The following GABARAPL2 variants were observed in gnomAD, a reference collection of about 807,000 sequenced individuals.
The protein encoded by GABARAPL2 is gamma-aminobutyric acid receptor-associated protein-like 2.
A neutral mutation model predicts 16.9 loss-of-function variants in GABARAPL2; 11 were observed. The ratio of observed to expected loss-of-function variants is 0.65; its 90% CI spans 0.41 to 1.08. The LOEUF is 1.08. GABARAPL2 is among the 50% of genes least tolerant of loss of function. The pLI is 0.00. For missense variants in GABARAPL2, 134 were observed against 142.5 expected, an observed-to-expected ratio of 0.94 and a Z score of 0.30; for synonymous variants, 57 against 50.7, an observed-to-expected ratio of 1.12 and a Z score of -0.53.
chr16:75,573,960 G>C (rs950183591), intron 3 of GABARAPL2, among the ~76,000 whole-genome samples: 1 of 152,192 alleles, frequency 6.6e-6, no homozygotes, highest in Non-Finnish European at 1.5e-5. Flanking sequence ...AGCAGTGCTT[G>C]GCACATGTGT....
chr16:75,571,500 A>T (rs1247954000), intron 3 of GABARAPL2, among the ~76,000 whole-genome samples: 1 of 152,138 alleles, frequency 6.6e-6, no homozygotes, highest in Non-Finnish European at 1.5e-5. Flanking sequence ...CCTAAAGCAG[A>T]TTATACCAGT....
At chr16:75,569,436 C>A (rs185064347) in intron 3 of GABARAPL2, among the ~76,000 whole-genome samples, 1 of 152,224 alleles carries the variant, frequency 6.6e-6, no homozygotes, top group Non-Finnish European at 1.5e-5. Context: ...TCTAACCTTC[C>A]TTCCCAGGCC....
chr16:75,573,418 G>T (rs2080928224), intron 3 of GABARAPL2, among the ~76,000 whole-genome samples: 1 of 152,190 alleles, frequency 6.6e-6, no homozygotes, highest in Non-Finnish European at 1.5e-5. Context: ...AAAATTAGGT[G>T]CATGTTCAGC....
At chr16:75,566,556 TG>T in intron 1 of GABARAPL2, 36 bp downstream of exon 1, 1 of 1,603,100 alleles carries the variant, frequency 6.2e-7, no homozygotes, top group African/African-American at 1.4e-5. Flanking sequence ...TGCTGGGGGC[TG>T]GGGCGGCGGG....
Position 75,566,821 on chromosome 16 carries a change from C to T in GABARAPL2, c.35-31C>T, listed in dbSNP as rs545541607. 326 of 1,601,446 alleles carry T rather than the reference C, an allele frequency of 2.0e-4. 2 individuals carry two copies. In the South Asian group the frequency reaches 3.4e-3, roughly 17 times the overall value. On this transcript the variant is annotated intron_variant, in intron 1 of 3. Transcript: ENST00000037243. The stretch of plus-strand genomic sequence containing the variant: ...CCGGGAACCGACCGGTGGGCAGGCG[C>T]GGCCGTCAGCCCCGTTTGTTTCTCC...
At chr16:75,571,029 T>A (rs1423943420) in intron 3 of GABARAPL2, among the ~76,000 whole-genome samples, 1 of 152,248 alleles carries the variant, frequency 6.6e-6, no homozygotes, top group Non-Finnish European at 1.5e-5. Flanking sequence ...GTTAATCCCC[T>A]GTTTAAAATA....
At chr16:75,567,487 A>G (rs750874341) in intron 2 of GABARAPL2, among the ~76,000 whole-genome samples, 1 of 152,228 alleles carries the variant, frequency 6.6e-6, no homozygotes, top group Non-Finnish European at 1.5e-5. Context: ...AATGGACATT[A>G]AGGCCTGTTA....
intron 3 of GABARAPL2, among the ~76,000 whole-genome samples, chr16:75,569,987 TAG>T (rs936673431): frequency 2.6e-5 from 4 of 152,210 alleles, no homozygotes; most frequent in Non-Finnish European, 5.9e-5. Flanking sequence ...CTTCAGGATT[TAG>T]AGTCACCAGC....
At chr16:75,576,056 C>T (rs910885326) in intron 3 of GABARAPL2, 3 of 152,184 alleles carry the variant, frequency 2.0e-5, no homozygotes, top group African/African-American at 7.2e-5. Context: ...TTCTATTGAA[C>T]AGTTCTGTTC....
At chr16:75,572,692 G>A (rs1275471746) in intron 3 of GABARAPL2, 12 of 152,216 alleles carry the variant, frequency 7.9e-5, no homozygotes, top group Admixed American at 6.5e-4. Context: ...TTAGGGGGCA[G>A]TTTAAATTCA....
At chr16:75,567,676 A>T (rs1340507601) in intron 2 of GABARAPL2, among the ~76,000 whole-genome samples, 3 of 152,126 alleles carry the variant, frequency 2.0e-5, no homozygotes, top group Non-Finnish European at 4.4e-5. Flanking sequence ...GGAACACAGT[A>T]GTGTTTCCTG....
chr16:75,570,802 C>G (rs922414426), intron 3 of GABARAPL2, among the ~76,000 whole-genome samples: 8 of 152,150 alleles, frequency 5.3e-5, no homozygotes, highest in Admixed American at 2.6e-4. Flanking sequence ...TCACAATGGC[C>G]TTTTCCCATT....
At chr16:75,575,299 A>AT (rs138990592) in intron 3 of GABARAPL2, among the ~76,000 whole-genome samples, 19,757 of 146,636 alleles carry the variant, frequency 0.13, 2,822 homozygotes, top group East Asian at 0.72. Flanking sequence ...GTTGAAATTA[A>AT]TTTTTTTTTT....
chr16:75,577,395 G>A lies in GABARAPL2; in HGVS notation c.*26G>A, dbSNP rs770366241. The A allele has an allele frequency of 3.8e-6, 5 of 1,314,596 alleles. No individual in the cohort carries two copies. The highest frequency in any genetic ancestry group is 1.4e-5 in the African/African-American group (1 of 69,324). The allele number at this position is 1,314,596 out of a possible 1,614,324, so 81.4% of individuals were successfully genotyped here. On this transcript the variant is annotated 3_prime_UTR_variant, in exon 4 of 4. Coordinates refer to ENST00000037243, the MANE Select transcript of GABARAPL2 (RefSeq NM_007285.7). ...GGGCCATTGCTGGGCTAGGTGCACC[G>A]TAACTGCTTGTGTATCTTGTAAATA... is the stretch of plus-strand genomic sequence containing the variant.
chr16:75,570,871 C>G (rs904522840), intron 3 of GABARAPL2, among the ~76,000 whole-genome samples: 1 of 152,116 alleles, frequency 6.6e-6, no homozygotes, highest in African/African-American at 2.4e-5. Flanking sequence ...AGGCCAAAAA[C>G]GGAATGGGGA....
chr16:75,567,789 T>C (rs2080892821), intron 2 of GABARAPL2, among the ~76,000 whole-genome samples: 2 of 152,212 alleles, frequency 1.3e-5, no homozygotes, highest in African/African-American at 4.8e-5. Context: ...TGGAAAAGCT[T>C]AGTGGTAAGG....
At chr16:75,567,973 C>G in intron 2 of GABARAPL2, 64 bp from the exon 3 acceptor site, 2 of 1,315,270 alleles carry the variant, frequency 1.5e-6, no homozygotes, top group African/African-American at 2.9e-5. Flanking sequence ...ATCAGCTCCT[C>G]AGCCATGTGA....
intron 3 of GABARAPL2, among the ~76,000 whole-genome samples, chr16:75,574,423 G>A (rs2080934962): frequency 6.6e-6 from 1 of 152,168 alleles, no homozygotes; most frequent in Non-Finnish European, 1.5e-5. Flanking sequence ...GCAGCGGGGA[G>A]ATGTTACGAC....
chr16:75,568,793 T>G (rs1434671119), intron 3 of GABARAPL2, among the ~76,000 whole-genome samples: 2 of 152,234 alleles, frequency 1.3e-5, no homozygotes, highest in East Asian at 3.8e-4. Flanking sequence ...AAGCAATCTT[T>G]GGGACTGTAA....
Sources: allele counts gnomAD v4.1 joint callset (sites outside exome capture counted in the v4.1 genomes callset), GRCh38; gene constraint gnomAD v4.1.1; transcripts MANE v1.5; gene names NCBI Gene and HGNC (gene_info 2026-07-23, HGNC 2026-07-21).